Variants in PHF24 observed in about 807,000 individuals in gnomAD.
The protein encoded by PHF24 is PHD finger protein 24, also known as Galpha inhibitory interacting protein.
In PHF24, 25 loss-of-function variants were observed where a neutral mutation model predicts 42.6. The observed-to-expected ratio is 0.59, with a 90% CI of 0.43 to 0.82. PHF24 has a LOEUF of 0.82. Ranked by LOEUF, PHF24 falls within the 40% of genes least tolerant of loss-of-function variation. The probability of loss-of-function intolerance (pLI) is 0.00; values close to 1 mark genes in which losing one functional copy is unlikely to be tolerated. For synonymous variants in PHF24, 185 were observed against 204.8 expected, an observed-to-expected ratio of 0.90 and a Z score of 0.83; for missense variants, 470 against 538.1, an observed-to-expected ratio of 0.87 and a Z score of 1.25.
the PHF24 span, among the ~76,000 whole-genome samples, chr9:34,875,940 A>ACTCTCTCT: frequency 2.7e-4 from 24 of 89,212 alleles, no homozygotes; most frequent in African/African-American, 1.1e-3. Context: ...ACACACACAC[A>ACTCTCTCT]CACACACACA....
At chr9:34,922,835 TAC>T in the PHF24 span, 2 of 1,591,280 alleles carry the variant, frequency 1.3e-6, no homozygotes, top group Non-Finnish European at 1.7e-6. Context: ...CTTGCTCAGT[TAC>T]AGACTTCATG....
upstream of PHF24, among the ~76,000 whole-genome samples, chr9:34,954,545 C>G (rs905020020): frequency 5.3e-5 from 8 of 152,188 alleles, no homozygotes; most frequent in African/African-American, 1.9e-4. Context: ...CATGAGCTCA[C>G]CATCAGAATA....
At chr9:34,887,675 T>G in the PHF24 span, among the ~76,000 whole-genome samples, 1 of 152,202 alleles carries the variant, frequency 6.6e-6, no homozygotes, top group Admixed American at 6.5e-5. Context: ...AGCTCCTTAT[T>G]TAAAACTGTA....
the PHF24 span, among the ~76,000 whole-genome samples, chr9:34,791,071 G>C: frequency 6.6e-6 from 1 of 152,216 alleles, no homozygotes; most frequent in Non-Finnish European, 1.5e-5. Flanking sequence ...CTAGACGGTT[G>C]AGCCAGGATG....
At chr9:34,911,167 AAGTC>A in the PHF24 span, among the ~76,000 whole-genome samples, 72 of 152,172 alleles carry the variant, frequency 4.7e-4, no homozygotes, top group African/African-American at 1.6e-3. Context: ...GCCTATCTAA[AAGTC>A]AGTCAGACTT....
chr9:34,884,427 G>A, the PHF24 span, among the ~76,000 whole-genome samples: 1 of 152,140 alleles, frequency 6.6e-6, no homozygotes, highest in Non-Finnish European at 1.5e-5. Flanking sequence ...TTTTATAACA[G>A]CTTTTTGGAC....
At chr9:34,738,169 C>A in the PHF24 span, among the ~76,000 whole-genome samples, 3 of 151,986 alleles carry the variant, frequency 2.0e-5, no homozygotes, top group Admixed American at 1.3e-4. Context: ...ATTATCTGAC[C>A]GCCACTGTGG....
At chr9:34,669,963 A>G in the PHF24 span, among the ~76,000 whole-genome samples, 1 of 152,148 alleles carries the variant, frequency 6.6e-6, no homozygotes, top group Admixed American at 6.5e-5. Flanking sequence ...GGGGCGCTGG[A>G]GATTGAATTC....
At chr9:34,845,606 CTTA>C in the PHF24 span, among the ~76,000 whole-genome samples, 4 of 151,552 alleles carry the variant, frequency 2.6e-5, no homozygotes, top group East Asian at 7.7e-4. Context: ...ATTTTATTTT[CTTA>C]TTATTATACT....
At chr9:34,678,178 G>A in the PHF24 span, 1 of 152,406 alleles carries the variant, frequency 6.6e-6, no homozygotes, top group Admixed American at 6.5e-5. Flanking sequence ...GCCCTTGAAT[G>A]TTGGACTCCA....
At chr9:34,876,809 C>T in the PHF24 span, among the ~76,000 whole-genome samples, 1 of 152,124 alleles carries the variant, frequency 6.6e-6, no homozygotes, top group Non-Finnish European at 1.5e-5. Context: ...AATGATTCAG[C>T]AATTTTACTC....
At chr9:34,969,219 G>A (rs1241282663) in intron 1 of PHF24, among the ~76,000 whole-genome samples, 1 of 152,090 alleles carries the variant, frequency 6.6e-6, no homozygotes, top group Admixed American at 6.5e-5. Flanking sequence ...TTTTAATCAG[G>A]GGATAACTCG....
chr9:34,725,782 C>T, the PHF24 span: 6 of 1,548,488 alleles, frequency 3.9e-6, no homozygotes, highest in Non-Finnish European at 5.2e-6. Context: ...GTGGGGCTGA[C>T]TGGGGTGAAG....
At chr9:34,957,042 C>T (rs1171491735), upstream of PHF24, among the ~76,000 whole-genome samples, 1 of 152,054 alleles carries the variant, frequency 6.6e-6, no homozygotes, top group African/African-American at 2.4e-5. Context: ...GGCAAAATGT[C>T]GAAACTAACA....
intron 3 of PHF24, among the ~76,000 whole-genome samples, chr9:34,973,082 G>C (rs1358527003): frequency 6.6e-6 from 1 of 152,108 alleles, no homozygotes; most frequent in Non-Finnish European, 1.5e-5. Flanking sequence ...CTAGATGCCG[G>C]TAGCATACAT....
chr9:34,927,189 G>A, the PHF24 span, among the ~76,000 whole-genome samples: 24 of 152,310 alleles, frequency 1.6e-4, no homozygotes, highest in African/African-American at 5.5e-4. Context: ...CTGGCTGGAA[G>A]TGCAGTAAGC....
At chr9:34,895,520 C>T in the PHF24 span, 11 of 398,358 alleles carry the variant, frequency 2.8e-5, no homozygotes, top group African/African-American at 4.1e-5. Flanking sequence ...AGAGAAAGCT[C>T]GGGGATAAAA....
At chr9:34,713,220 A>G in the PHF24 span, among the ~76,000 whole-genome samples, 1 of 152,222 alleles carries the variant, frequency 6.6e-6, no homozygotes, top group Non-Finnish European at 1.5e-5. Context: ...CCTTCCCCGC[A>G]AAAAGATTCT....
chr9:34,920,516 TA>T, the PHF24 span, among the ~76,000 whole-genome samples: 1 of 152,168 alleles, frequency 6.6e-6, no homozygotes, highest in African/African-American at 2.4e-5. Context: ...AATTTAAGAT[TA>T]TTTTTTCTAT....
Sources: allele counts gnomAD v4.1 joint callset (sites outside exome capture counted in the v4.1 genomes callset), GRCh38; gene constraint gnomAD v4.1.1; transcripts MANE v1.5; gene names NCBI Gene and HGNC (gene_info 2026-07-23, HGNC 2026-07-21).